The following DAB2IP variants were observed in gnomAD, a reference collection of about 807,000 sequenced individuals.
The protein encoded by DAB2IP is disabled homolog 2-interacting protein.
DAB2IP carries 28 observed loss-of-function variants against 107.2 expected under a neutral mutation model. The ratio of observed to expected loss-of-function variants is 0.26; its 90% CI spans 0.19 to 0.36. The LOEUF (loss-of-function observed/expected upper bound fraction) is 0.36. DAB2IP is among the 10% of genes least tolerant of loss of function. The pLI, the probability that DAB2IP is intolerant of heterozygous loss-of-function variation, is 1.00. For synonymous variants in DAB2IP, 755 were observed against 706.4 expected (o/e 1.07, Z -1.09); for missense variants, 1,400 against 1,644.7 (o/e 0.85, Z 2.57).
upstream of DAB2IP, among the ~76,000 whole-genome samples, chr9:121,650,668 T>C (rs1372538415): frequency 6.6e-6 from 1 of 152,160 alleles, no homozygotes; most frequent in African/African-American, 2.4e-5. Flanking sequence ...GTCTTAATAA[T>C]TTAAACGACG....
At chr9:121,717,095 G>C (rs942929174) in intron 3 of DAB2IP, among the ~76,000 whole-genome samples, 1 of 152,190 alleles carries the variant, frequency 6.6e-6, no homozygotes, top group Non-Finnish European at 1.5e-5. Context: ...AGCCCCGGGG[G>C]AATCTTGCCC....
intron 3 of DAB2IP, among the ~76,000 whole-genome samples, chr9:121,749,070 C>T (rs1431733937): frequency 6.6e-6 from 1 of 152,190 alleles, no homozygotes; most frequent in Non-Finnish European, 1.5e-5. Flanking sequence ...ACCTTTCTGC[C>T]TTTTTAGGAC....
In DAB2IP at chr9:121,736,413, C is replaced by T. The variant is rs1831919652; in HGVS notation, c.363-20600C>T. 6.6e-6 allele frequency among the ~76,000 whole-genome samples: 1 copy of T among 152,196 alleles called. No individual in the cohort carries two copies. Among genetic ancestry groups the T allele is most frequent in the South Asian group, 2.1e-4 (1 of 4,832 alleles). The stretch of plus-strand genomic sequence containing the variant: ...CCGAACCCCTGCTCCAGGGCCTGCG[C>T]GTCCCGCCCGCCCGGCGTGCCGAAG... On this transcript the variant is annotated intron_variant, in intron 3 of 15. Coordinates refer to ENST00000408936, the Ensembl canonical transcript of DAB2IP. This position sits in a 1 kb window ranked among gnomAD's most constrained non-coding sequence, Gnocchi z 4.6.
chr9:121,750,654 C>G (rs1833050198), intron 3 of DAB2IP, among the ~76,000 whole-genome samples: 1 of 152,194 alleles, frequency 6.6e-6, no homozygotes, highest in Non-Finnish European at 1.5e-5. Context: ...CAATCCCACT[C>G]TCAATTCCCC....
chr9:121,628,404 C>G (rs1831747853), intron 1 of DAB2IP, among the ~76,000 whole-genome samples: 1 of 152,252 alleles, frequency 6.6e-6, no homozygotes, highest in South Asian at 2.1e-4. Flanking sequence ...ACCCATTTAT[C>G]TTCTAGCGAG....
intron 1 of DAB2IP, among the ~76,000 whole-genome samples, chr9:121,641,087 G>GC (rs1832271770): frequency 6.6e-6 from 1 of 152,084 alleles, no homozygotes; most frequent in South Asian, 2.1e-4. Flanking sequence ...TGGCTATGGG[G>GC]GATGCTGATA....
chr9:121,731,812 A>T (rs1224319277), intron 3 of DAB2IP, among the ~76,000 whole-genome samples: 2 of 152,108 alleles, frequency 1.3e-5, no homozygotes, highest in African/African-American at 2.4e-5. Flanking sequence ...CTACCCCACG[A>T]TATTATTGCT....
chr9:121,707,272 G>A (rs941638168), intron 3 of DAB2IP, among the ~76,000 whole-genome samples: 6 of 152,156 alleles, frequency 3.9e-5, no homozygotes, highest in Non-Finnish European at 7.4e-5. Context: ...GCCTGAGACT[G>A]TACTTTTTAG....
At chr9:121,654,606 G>C (rs1832899113) in intron 1 of DAB2IP, among the ~76,000 whole-genome samples, 1 of 152,094 alleles carries the variant, frequency 6.6e-6, no homozygotes, top group South Asian at 2.1e-4. Context: ...AGCCTCAGAC[G>C]CCTGACTCTA....
exon 16 of DAB2IP, chr9:121,783,245 C>T (rs1835785821): frequency 1.5e-6 from 2 of 1,298,706 alleles, no homozygotes; most frequent in Admixed American, 6.4e-5. Flanking sequence ...GCTCTTGTCC[C>T]TGTGGGGAGG....
chr9:121,754,872 A>G (rs1833368896), intron 3 of DAB2IP, among the ~76,000 whole-genome samples: 1 of 152,120 alleles, frequency 6.6e-6, no homozygotes, highest in South Asian at 2.1e-4. Context: ...AGGCGGCCTC[A>G]GCTCACCAGC....
intron 1 of DAB2IP, among the ~76,000 whole-genome samples, chr9:121,641,189 T>C (rs1832274939): frequency 6.6e-6 from 1 of 152,204 alleles, no homozygotes; most frequent in Admixed American, 6.5e-5. Flanking sequence ...GCCCAACCCT[T>C]CCTTGTTTTC....
In DAB2IP at chr9:121,599,539, AG is replaced by A. The variant is rs547325471; in HGVS notation, c.40+32312del. 5.3e-3 allele frequency among the ~76,000 whole-genome samples: 811 copies of A among 151,942 alleles called. 9 individuals carry two copies. Among genetic ancestry groups the A allele is most frequent in the African/African-American group, 0.019 (770 of 41,482 alleles). ...GTGGCCGCGGGAGCCCGGGAGCCGT[AG>A]AGCGGCGGCGCCGGGGGAGGCGCGG... On this transcript the variant is annotated intron_variant, in intron 1 of 16. Coordinates refer to the DAB2IP transcript ENST00000259371. The surrounding 1 kb of genome is among the most constrained non-coding windows in gnomAD (Gnocchi z 6.9).
chr9:121,653,986 C>T (rs995896333), intron 1 of DAB2IP, among the ~76,000 whole-genome samples: 27 of 152,306 alleles, frequency 1.8e-4, no homozygotes, highest in Admixed American at 9.8e-4. Context: ...GGTTTCCCTT[C>T]GCAGAGGGAG....
chr9:121,763,660 G>T lies in DAB2IP; in HGVS notation c.1315+11G>T, dbSNP rs1219773413. On this transcript the variant is annotated intron_variant, in intron 7 of 15. Transcript: ENST00000408936. The stretch of plus-strand genomic sequence containing the variant: ...TGCAGGACGCCCTAGGTAGGGAGTG[G>T]GCCAGCAGCAGGGCAGAGGGTGGGG... 1 of 1,612,506 alleles carries T rather than the reference G, an allele frequency of 6.2e-7. No individual in the cohort carries two copies. The highest frequency in any genetic ancestry group is 2.2e-5 in the East Asian group (1 of 44,862).
chr9:121,678,912 C>A, intron 2 of DAB2IP, 131 bp downstream of exon 2: 1 of 855,088 alleles, frequency 1.2e-6, no homozygotes, highest in Non-Finnish European at 1.7e-6. Context: ...GCCTCCCTTG[C>A]TCTAGGTATC....
chr9:121,655,366 CAG>C (rs907565856), intron 1 of DAB2IP, among the ~76,000 whole-genome samples: 4 of 148,480 alleles, frequency 2.7e-5, no homozygotes, highest in South Asian at 2.2e-4. Context: ...CTAGGAGAAA[CAG>C]AAATTTTCCT....
At chr9:121,621,671 C>G (rs529273740) in intron 1 of DAB2IP, among the ~76,000 whole-genome samples, 14 of 146,962 alleles carry the variant, frequency 9.5e-5, no homozygotes, top group African/African-American at 3.6e-4. Flanking sequence ...AGTCTCATTC[C>G]GTTACCCAGG....
intron 1 of DAB2IP, among the ~76,000 whole-genome samples, chr9:121,638,968 C>T (rs1474527237): frequency 6.6e-6 from 1 of 151,984 alleles, no homozygotes; most frequent in Non-Finnish European, 1.5e-5. Flanking sequence ...GGCTGGGGGC[C>T]AGGGTGGTTG....
Sources: gnomAD v4.1 joint callset for allele counts (sites outside exome capture counted in the v4.1 genomes callset) on GRCh38, gnomAD v4.1.1 for gene constraint, Gnocchi (gnomAD v3.1) non-coding constraint, MANE v1.5 for transcripts, NCBI Gene and HGNC (gene_info 2026-07-23, HGNC 2026-07-21) for gene names.